Variants in ARHGEF7 observed in about 807,000 individuals in gnomAD.
The protein encoded by ARHGEF7 is PAK-interacting exchange factor beta.
ARHGEF7 carries 33 observed loss-of-function variants against 109.8 expected under a neutral mutation model. The ratio of observed to expected loss-of-function variants is 0.30; its 90% CI spans 0.23 to 0.40. The LOEUF (loss-of-function observed/expected upper bound fraction) is 0.40, where lower values mean the gene tolerates loss of function less well. Among genes scored for constraint, ARHGEF7 ranks in the 10% least tolerant of loss-of-function variants. The pLI, the probability that ARHGEF7 is intolerant of heterozygous loss-of-function variation, is 1.00. For missense variants in ARHGEF7, 938 were observed against 1,098.5 expected (o/e 0.85, Z 2.07); for synonymous variants, 458 against 424.6 (o/e 1.08, Z -0.97).
rs967934847 is a variant in ARHGEF7 at position 111,272,833 on chromosome 13, G to A, written c.1074-981G>A. On this transcript the variant is annotated intron_variant, in intron 9 of 21. Transcript: ENST00000646102. The surrounding 1 kb of genome is among the most constrained non-coding windows in gnomAD (Gnocchi z 5.2). ...GGGCCTGACAGAGACCTCAGAGATC[G>A]CCAGTGAAGGGGTGTTGCGGTCAGG... Among the ~76,000 whole-genome samples the A allele has an allele frequency of 2.0e-5, 3 of 152,148 alleles. No individual in the cohort carries two copies. The highest frequency in any genetic ancestry group is 2.1e-4 in the South Asian group (1 of 4,830).
chr13:111,134,810 T>C (rs2075003779), intron 1 of ARHGEF7, among the ~76,000 whole-genome samples: 2 of 152,194 alleles, frequency 1.3e-5, no homozygotes, highest in African/African-American at 4.8e-5. Context: ...AGATCCCATT[T>C]GTCAATTTTG....
chr13:111,185,021 TC>T (rs906342794), intron 2 of ARHGEF7: 11 of 152,260 alleles, frequency 7.2e-5, no homozygotes, highest in African/African-American at 1.9e-4. Flanking sequence ...TTTTTTTTTT[TC>T]CTCAGAGACT....
chr13:111,139,611 G>A (rs2075256217), intron 1 of ARHGEF7, among the ~76,000 whole-genome samples: 1 of 151,646 alleles, frequency 6.6e-6, no homozygotes, highest in South Asian at 2.1e-4. Context: ...GCACTGGCGG[G>A]TGCCTGCGTG....
intron 4 of ARHGEF7, among the ~76,000 whole-genome samples, chr13:111,210,602 A>G (rs192910105): frequency 1.1e-4 from 17 of 152,270 alleles, no homozygotes; most frequent in African/African-American, 4.1e-4. Context: ...AAGCCCATGG[A>G]ATGTAATAGT....
chr13:111,148,821 G>C (rs1299532546), intron 1 of ARHGEF7, among the ~76,000 whole-genome samples: 1 of 152,202 alleles, frequency 6.6e-6, no homozygotes, highest in Non-Finnish European at 1.5e-5. Flanking sequence ...GAAATCAAAG[G>C]AGACCTAATC....
intron 9 of ARHGEF7, among the ~76,000 whole-genome samples, chr13:111,269,535 AAG>A (rs1427665097): frequency 6.6e-6 from 1 of 152,196 alleles, no homozygotes; most frequent in Non-Finnish European, 1.5e-5. Flanking sequence ...AACTAGAAGA[AAG>A]AATACAGGTG....
intron 4 of ARHGEF7, among the ~76,000 whole-genome samples, chr13:111,213,266 G>C (rs2082717720): frequency 1.3e-5 from 2 of 152,206 alleles, no homozygotes; most frequent in Admixed American, 6.5e-5. Context: ...GCCCGGCCAG[G>C]TCGTGTGTGC....
At chr13:111,234,720 C>T (rs1474256545) in intron 6 of ARHGEF7, among the ~76,000 whole-genome samples, 4 of 151,974 alleles carry the variant, frequency 2.6e-5, no homozygotes, top group African/African-American at 7.3e-5. Flanking sequence ...CTTTTGCTTC[C>T]CCTCTTTCTT....
intron 2 of ARHGEF7, among the ~76,000 whole-genome samples, chr13:111,188,730 G>A (rs1181069281): frequency 6.6e-6 from 1 of 152,216 alleles, no homozygotes; most frequent in East Asian, 1.9e-4. Flanking sequence ...GAATAATGGA[G>A]AATTCTCTGT....
At chr13:111,137,294 G>C (rs1018410914) in intron 1 of ARHGEF7, among the ~76,000 whole-genome samples, 6 of 152,254 alleles carry the variant, frequency 3.9e-5, no homozygotes, top group African/African-American at 1.4e-4. Flanking sequence ...TGGTGCTGCT[G>C]GTCCTGGGGC....
At chr13:111,292,613 T>C in intron 19 of ARHGEF7, 1 of 1,225,878 alleles carries the variant, frequency 8.2e-7, no homozygotes, top group Non-Finnish European at 1.0e-6. Context: ...GGTTTTTTTA[T>C]TCTCAGTGTA....
chr13:111,167,234 T>C (rs2077203086), intron 2 of ARHGEF7, among the ~76,000 whole-genome samples: 1 of 152,164 alleles, frequency 6.6e-6, no homozygotes, highest in Non-Finnish European at 1.5e-5. Context: ...AAAGATATGA[T>C]CTCTGGGCTA....
chr13:111,125,251 G>A (rs2067481716), intron 1 of ARHGEF7, among the ~76,000 whole-genome samples: 1 of 152,132 alleles, frequency 6.6e-6, no homozygotes. Flanking sequence ...CTATGCCCTG[G>A]GTTTCATATC....
intron 1 of ARHGEF7, among the ~76,000 whole-genome samples, chr13:111,123,425 C>T (rs528954650): frequency 6.6e-6 from 1 of 152,132 alleles, no homozygotes; most frequent in African/African-American, 2.4e-5. Flanking sequence ...CCAGCAGGCC[C>T]GGACCAGGCT....
At position 111,209,950 on chromosome 13, in the gene ARHGEF7, A is replaced by T. The variant is rs143399583; in HGVS notation, c.416A>T (p.Gln139Leu). 2.8e-5 allele frequency: 46 copies of T among 1,614,178 alleles called. No individual in the cohort carries two copies. The African/African-American group carries it at 5.6e-4, about 20-fold the overall frequency. The change falls in exon 4 of 22, where the codon CAG becomes CTG. Residue 139 changes from glutamine to leucine, a missense_variant. Gln to Leu is a moderately radical substitution (Grantham distance 113, BLOSUM62 -2). Around this residue, in one of 4 missense-constraint regions of ARHGEF7, gnomAD observed 585 missense variants for 723.6 expected, o/e 0.81. Coordinates refer to ENST00000646102, the MANE Select transcript of ARHGEF7 (RefSeq NM_001354046.2). ...RIKSFDSLGS[Q>L]SLHTRTSKLF... is the part of the protein sequence containing the mutation. ...AAGTCTTTTGACTCCCTTGGATCAC[A>T]GTCTTTGCACACTCGGACTTCAAAA...
At chr13:111,118,294 G>A (rs2066939700) in intron 1 of ARHGEF7, among the ~76,000 whole-genome samples, 1 of 152,250 alleles carries the variant, frequency 6.6e-6, no homozygotes, top group Non-Finnish European at 1.5e-5. Flanking sequence ...GACGTTCACG[G>A]CGTGTCAGAT....
chr13:111,217,387 T>C (rs56056096), intron 4 of ARHGEF7, among the ~76,000 whole-genome samples: 15,650 of 152,240 alleles, frequency 0.1, 1,112 homozygotes, highest in Middle Eastern at 0.16. Flanking sequence ...CTTTTGTGAC[T>C]TGTGGAGAAG....
chr13:111,211,026 A>G (rs1024384241), intron 4 of ARHGEF7, among the ~76,000 whole-genome samples: 5 of 152,070 alleles, frequency 3.3e-5, no homozygotes, highest in African/African-American at 7.2e-5. Context: ...TGTGATTTTT[A>G]TGTTTCTGAA....
intron 15 of ARHGEF7, among the ~76,000 whole-genome samples, chr13:111,282,334 T>C (rs2092817966): frequency 6.6e-6 from 1 of 152,272 alleles, no homozygotes; most frequent in Non-Finnish European, 1.5e-5. Flanking sequence ...GAGGTCATTA[T>C]TGGCTGATTT....
Sources: allele counts gnomAD v4.1 joint callset (sites outside exome capture counted in the v4.1 genomes callset), GRCh38; gene constraint gnomAD v4.1.1; regional missense constraint gnomAD v4.1.1; non-coding constraint Gnocchi (gnomAD v3.1); transcripts MANE v1.5; gene names NCBI Gene and HGNC (gene_info 2026-07-23, HGNC 2026-07-21).